TIAM1: variants seen among roughly 807,000 people sequenced by gnomAD.
The protein encoded by TIAM1 is rho guanine nucleotide exchange factor TIAM1.
Under a neutral mutation model 163.5 loss-of-function variants are expected in TIAM1, and 65 were observed. That is an observed-to-expected ratio of 0.40 (90% confidence interval 0.33 to 0.49). The LOEUF (loss-of-function observed/expected upper bound fraction) is 0.49. Ranked by LOEUF, TIAM1 falls within the 20% of genes least tolerant of loss-of-function variation. The pLI is 0.77. For synonymous variants in TIAM1, 833 were observed against 810.1 expected, an observed-to-expected ratio of 1.03 and a Z score of -0.48; for missense variants, 1,789 against 2,044.7, an observed-to-expected ratio of 0.87 and a Z score of 2.41.
At chr21:31,471,105 G>A (rs555478678) in intron 1 of TIAM1, among the ~76,000 whole-genome samples, 1 of 152,354 alleles carries the variant, frequency 6.6e-6, no homozygotes, top group South Asian at 2.1e-4. Context: ...AAACCTCCGG[G>A]CTGCTGAGAG....
At chr21:31,553,225 AC>A (rs2048753172) in intron 1 of TIAM1, among the ~76,000 whole-genome samples, 1 of 152,160 alleles carries the variant, frequency 6.6e-6, no homozygotes, top group Non-Finnish European at 1.5e-5. Flanking sequence ...GTCCTGGGGT[AC>A]CCCACGGAGC....
intron 16 of TIAM1, among the ~76,000 whole-genome samples, chr21:31,159,949 C>T (rs16987859): frequency 0.013 from 1,919 of 152,248 alleles, 41 homozygotes; most frequent in African/African-American, 0.044. Context: ...CTATCTCCTT[C>T]TCAAGGAAGC....
At chr21:31,290,923 C>T (rs934940865) in intron 2 of TIAM1, among the ~76,000 whole-genome samples, 1 of 152,170 alleles carries the variant, frequency 6.6e-6, no homozygotes, top group South Asian at 2.1e-4. Context: ...CCTCTGGCTC[C>T]TCTGAAATCA....
At chr21:31,438,337 GCC>G (rs2044292737) in intron 2 of TIAM1, among the ~76,000 whole-genome samples, 1 of 151,558 alleles carries the variant, frequency 6.6e-6, no homozygotes, top group Admixed American at 6.6e-5. Context: ...GATTACAGGC[GCC>G]TGCCACCATG....
chr21:31,542,524 C>G (rs147766183), intron 1 of TIAM1, among the ~76,000 whole-genome samples: 1 of 152,274 alleles, frequency 6.6e-6, no homozygotes, highest in African/African-American at 2.4e-5. Context: ...AACTCAGCTT[C>G]TCTCTATTTC....
chr21:31,480,809 A>G (rs1316244211), intron 1 of TIAM1, among the ~76,000 whole-genome samples: 1 of 152,216 alleles, frequency 6.6e-6, no homozygotes, highest in Non-Finnish European at 1.5e-5. Context: ...GCTGGAGTGC[A>G]CTGGCACAAT....
At chr21:31,452,695 C>A in intron 2 of TIAM1, 1 of 439,744 alleles carries the variant, frequency 2.3e-6, no homozygotes, top group Admixed American at 3.3e-5. Context: ...TTTCCATTTT[C>A]CATAAGACTC....
intron 2 of TIAM1, among the ~76,000 whole-genome samples, chr21:31,370,017 C>T (rs558416136): frequency 6.6e-6 from 1 of 152,218 alleles, no homozygotes; most frequent in Admixed American, 6.5e-5. Context: ...AAGAGAGACC[C>T]CTTTCCCTTC....
intron 1 of TIAM1, among the ~76,000 whole-genome samples, chr21:31,482,209 C>T (rs58939782): frequency 0.017 from 2,553 of 151,718 alleles, 62 homozygotes; most frequent in African/African-American, 0.057. Context: ...TGGAGTGCAG[C>T]GGCGCAATCT....
chr21:31,195,316 C>A lies in TIAM1; in HGVS notation c.2494-11G>T, dbSNP rs201318212. The A allele has an allele frequency of 1.2e-4, 185 of 1,587,218 alleles. 2 individuals carry two copies. In the East Asian group the frequency reaches 4.1e-3, roughly 36 times the overall value. On this transcript the variant is annotated splice_polypyrimidine_tract_variant and intron_variant, in intron 12 of 27. Transcript: ENST00000541036. Reference sequence around the variant, plus strand: ...AATTTCTTTGTACAGCTGAAAGTTACAAAGGGGAATCTAATTAGAATTTCA... The same window carrying A: ...AATTTCTTTGTACAGCTGAAAGTTAAAAAGGGGAATCTAATTAGAATTTCA...
intron 2 of TIAM1, among the ~76,000 whole-genome samples, chr21:31,294,853 G>T (rs911243917): frequency 2.0e-5 from 3 of 152,168 alleles, no homozygotes; most frequent in African/African-American, 7.2e-5. Flanking sequence ...CCCGCACACG[G>T]CCTGAACGCA....
At position 31,210,746 on chromosome 21, in the gene TIAM1, GGGAGAAAGAAAGAAAGAA is replaced by G. The variant is rs1569034204; in HGVS notation, c.2218-549_2218-532del. On this transcript the variant is annotated intron_variant, in intron 10 of 27. Transcript: ENST00000541036. Reference sequence around the variant, plus strand: ...GAAAGAAAGAGAAAGAAGGAAGGAAGGGAGAAAGAAAGAAAGAAAGAAAGAAAGAAAGAAAGAAAGAAA... The same window carrying G: ...GAAAGAAAGAGAAAGAAGGAAGGAAGAGAAAGAAAGAAAGAAAGAAAGAAA... Among the ~76,000 whole-genome samples the G allele has an allele frequency of 3.6e-5, 3 of 82,194 alleles. No individual in the cohort carries two copies. In the East Asian group the frequency reaches 1.1e-3, roughly 29 times the overall value. The allele number at this position is 82,194 out of a possible 152,430, so 53.9% of individuals were successfully genotyped here.
intron 16 of TIAM1, among the ~76,000 whole-genome samples, chr21:31,155,566 G>A (rs1322343100): frequency 6.6e-6 from 1 of 151,804 alleles, no homozygotes; most frequent in African/African-American, 2.4e-5. Context: ...GTGCAGTGGT[G>A]CGATCTCAGC....
chr21:31,466,269 A>T (rs1039438220), intron 1 of TIAM1, among the ~76,000 whole-genome samples: 1 of 152,150 alleles, frequency 6.6e-6, no homozygotes, highest in Admixed American at 6.5e-5. Context: ...TGTGGAGGGG[A>T]AATTACTAAG....
intron 1 of TIAM1, among the ~76,000 whole-genome samples, chr21:31,485,673 G>T (rs1239776355): frequency 6.6e-6 from 1 of 152,148 alleles, no homozygotes; most frequent in Non-Finnish European, 1.5e-5. Flanking sequence ...CACTCCTGAA[G>T]GGAGGGGCTT....
chr21:31,558,657 G>A (rs2048978866), intron 1 of TIAM1, among the ~76,000 whole-genome samples: 1 of 152,146 alleles, frequency 6.6e-6, no homozygotes, highest in Non-Finnish European at 1.5e-5. Context: ...AGGCACCTGG[G>A]CTGCACGGTC....
At chr21:31,256,625 A>AT (rs1370829645) in intron 4 of TIAM1, among the ~76,000 whole-genome samples, 1 of 149,114 alleles carries the variant, frequency 6.7e-6, no homozygotes, top group African/African-American at 2.6e-5. Flanking sequence ...ACACACACAC[A>AT]CACGTATATT....
intron 2 of TIAM1, among the ~76,000 whole-genome samples, chr21:31,402,444 G>A (rs1407823456): frequency 1.3e-5 from 2 of 151,936 alleles, no homozygotes; most frequent in Admixed American, 6.6e-5. Flanking sequence ...ACACTATGGG[G>A]GCCTCTGAGA....
chr21:31,330,199 T>C (rs1014211884), intron 2 of TIAM1, among the ~76,000 whole-genome samples: 4 of 152,188 alleles, frequency 2.6e-5, no homozygotes, highest in Non-Finnish European at 5.9e-5. Flanking sequence ...TGCCTGTTCA[T>C]CCCTCTCTCC....
Sources: allele counts gnomAD v4.1 joint callset (sites outside exome capture counted in the v4.1 genomes callset), GRCh38; gene constraint gnomAD v4.1.1; transcripts MANE v1.5; gene names NCBI Gene and HGNC (gene_info 2026-07-23, HGNC 2026-07-21).